The following CDH13 variants were observed in gnomAD, a reference collection of about 807,000 sequenced individuals.
CDH13 encodes cadherin-13.
Under a neutral mutation model 63.8 loss-of-function variants are expected in CDH13, and 24 were observed. The observed-to-expected ratio is 0.38, with a 90% CI of 0.27 to 0.53. CDH13 has a LOEUF of 0.53. CDH13 is among the 20% of genes least tolerant of loss of function. CDH13 has a pLI of 0.85. For missense variants in CDH13, 1,049 were observed against 903.1 expected (o/e 1.16, Z -2.07); for synonymous variants, 503 against 355.3 (o/e 1.42, Z -4.67).
intron 7 of CDH13, among the ~76,000 whole-genome samples, chr16:83,579,654 C>T (rs1905366356): frequency 6.6e-6 from 1 of 152,138 alleles, no homozygotes; most frequent in Non-Finnish European, 1.5e-5. Flanking sequence ...CAAATCCAAA[C>T]CGTATCAATC....
intron 13 of CDH13, among the ~76,000 whole-genome samples, chr16:83,786,534 C>A (rs1017997458): frequency 6.6e-6 from 1 of 151,852 alleles, no homozygotes; most frequent in Non-Finnish European, 1.5e-5. Flanking sequence ...TTCTTTTGTT[C>A]TTTTTTTCTT....
chr16:83,072,781 A>G (rs3935906), intron 3 of CDH13, among the ~76,000 whole-genome samples: 2,846 of 152,232 alleles, frequency 0.019, 87 homozygotes, highest in African/African-American at 0.065. Context: ...ACTAGTAGAA[A>G]TGTAGAATCC....
chr16:83,612,775 A>G (rs1908966324), intron 8 of CDH13, among the ~76,000 whole-genome samples: 1 of 152,114 alleles, frequency 6.6e-6, no homozygotes, highest in Non-Finnish European at 1.5e-5. Flanking sequence ...TTACTGGATA[A>G]TCCAAGGACT....
At chr16:82,950,879 C>T (rs1771494887) in intron 2 of CDH13, among the ~76,000 whole-genome samples, 1 of 148,384 alleles carries the variant, frequency 6.7e-6, no homozygotes, top group Admixed American at 6.8e-5. Context: ...GTTGTATGCA[C>T]ATGGACACAA....
intron 7 of CDH13, among the ~76,000 whole-genome samples, chr16:83,537,833 C>T (rs1305830135): frequency 6.6e-6 from 1 of 152,144 alleles, no homozygotes; most frequent in Non-Finnish European, 1.5e-5. Flanking sequence ...TACCAATCTT[C>T]CCATGTTTCC....
At chr16:83,122,752 C>A (rs1597375623) in intron 3 of CDH13, among the ~76,000 whole-genome samples, 1 of 151,800 alleles carries the variant, frequency 6.6e-6, no homozygotes, top group South Asian at 2.1e-4. Context: ...TATCTATTAC[C>A]CTAGATAAAA....
chr16:83,248,682 C>T (rs1223468377), intron 5 of CDH13, among the ~76,000 whole-genome samples: 1 of 152,046 alleles, frequency 6.6e-6, no homozygotes, highest in South Asian at 2.1e-4. Context: ...TCATGAACTT[C>T]TCTCCTTCTA....
At chr16:83,120,377 A>G (rs973003438) in intron 3 of CDH13, among the ~76,000 whole-genome samples, 2 of 152,222 alleles carry the variant, frequency 1.3e-5, no homozygotes, top group African/African-American at 4.8e-5. Context: ...GGACAGAAAT[A>G]TCACCCATTT....
At chr16:83,092,042 G>C (rs1042125503) in intron 3 of CDH13, among the ~76,000 whole-genome samples, 1 of 152,176 alleles carries the variant, frequency 6.6e-6, no homozygotes, top group African/African-American at 2.4e-5. Flanking sequence ...AATCCTCTAA[G>C]TTCTAATTCA....
At chr16:83,180,844 C>T (rs1250842523) in intron 4 of CDH13, 3 of 1,476,582 alleles carry the variant, frequency 2.0e-6, no homozygotes, top group Non-Finnish European at 2.7e-6. Flanking sequence ...CAATTTACAA[C>T]AAAATGTGTT....
chr16:83,409,661 C>G (rs1478117868), intron 6 of CDH13, among the ~76,000 whole-genome samples: 1 of 152,198 alleles, frequency 6.6e-6, no homozygotes, highest in Non-Finnish European at 1.5e-5. Context: ...GCCTATTTCC[C>G]TCTTCAAAAT....
rs1265824666 is a variant in CDH13 at position 83,522,251 on chromosome 16, G to A, written c.960+35596G>A. On this transcript the variant is annotated intron_variant, in intron 7 of 13. Coordinates refer to ENST00000567109, the MANE Select transcript of CDH13 (RefSeq NM_001257.5). ...TGGAAAGGCCATAACAGCTGCTTCG[G>A]GTCCATTATAATGGATCACGTCAAA... Among the ~76,000 whole-genome samples, 3 of 152,128 alleles carry A rather than the reference G, an allele frequency of 2.0e-5. No individual in the cohort carries two copies. The South Asian group carries it at 6.2e-4, about 32-fold the overall frequency.
chr16:83,515,046 G>C (rs1328752340), intron 7 of CDH13, among the ~76,000 whole-genome samples: 1 of 152,156 alleles, frequency 6.6e-6, no homozygotes, highest in African/African-American at 2.4e-5. Context: ...TAGGGTCAGA[G>C]GCAGCTTCGG....
chr16:83,176,000 TG>T (rs1249243125), intron 4 of CDH13, among the ~76,000 whole-genome samples: 1 of 151,046 alleles, frequency 6.6e-6, no homozygotes, highest in Non-Finnish European at 1.5e-5. Flanking sequence ...GGCTAATTTT[TG>T]TTTTTGTTTT....
chr16:83,258,653 G>T (rs1284523353), intron 5 of CDH13, among the ~76,000 whole-genome samples: 1 of 152,140 alleles, frequency 6.6e-6, no homozygotes, highest in Non-Finnish European at 1.5e-5. Flanking sequence ...GAGACGTGGT[G>T]GCAAACTCAT....
chr16:83,016,522 G>T (rs966536638), intron 2 of CDH13, among the ~76,000 whole-genome samples: 5 of 152,148 alleles, frequency 3.3e-5, no homozygotes, highest in African/African-American at 1.2e-4. Flanking sequence ...GTTAGGTCAG[G>T]AGAAAATTTT....
intron 2 of CDH13, among the ~76,000 whole-genome samples, chr16:82,961,280 C>T (rs72790171): frequency 6.6e-5 from 10 of 152,192 alleles, no homozygotes; most frequent in Admixed American, 2.0e-4. Context: ...GGCTTACAGC[C>T]GCCCGTCATT....
At chr16:83,023,845 G>A (rs976967322) in intron 2 of CDH13, among the ~76,000 whole-genome samples, 1 of 152,176 alleles carries the variant, frequency 6.6e-6, no homozygotes, top group African/African-American at 2.4e-5. Flanking sequence ...AGAATGTAGA[G>A]TCTGTTTTCT....
intron 6 of CDH13, among the ~76,000 whole-genome samples, chr16:83,479,666 A>AC (rs397813075): frequency 4.2e-4 from 63 of 151,514 alleles, no homozygotes; most frequent in African/African-American, 1.2e-3. Flanking sequence ...CCAAAAAAAA[A>AC]CTTACATTTC....
Sources: allele counts gnomAD v4.1 joint callset (sites outside exome capture counted in the v4.1 genomes callset), GRCh38; gene constraint gnomAD v4.1.1; transcripts MANE v1.5; gene names NCBI Gene and HGNC (gene_info 2026-07-23, HGNC 2026-07-21).